TRHDE: variants seen among roughly 807,000 people sequenced by gnomAD.
TRHDE encodes thyrotropin-releasing hormone-degrading ectoenzyme.
In TRHDE, 72 loss-of-function variants were observed where a neutral mutation model predicts 125.7. The observed-to-expected ratio is 0.57, with a 90% CI of 0.47 to 0.70. The LOEUF (loss-of-function observed/expected upper bound fraction) is 0.70, where lower values mean the gene tolerates loss of function less well. Ranked by LOEUF, TRHDE falls within the 30% of genes least tolerant of loss-of-function variation. The pLI is 0.00. For missense variants in TRHDE, 1,110 were observed against 1,327.1 expected, an observed-to-expected ratio of 0.84 and a Z score of 2.54; for synonymous variants, 509 against 509.1, an observed-to-expected ratio of 1.00 and a Z score of 0.00.
chr12:72,621,183 G>C lies in TRHDE; in HGVS notation c.2545G>C (p.Val849Leu), dbSNP rs771961078. 10 of 1,611,094 alleles carry C rather than the reference G, an allele frequency of 6.2e-6. No individual in the cohort carries two copies. Among genetic ancestry groups the C allele is most frequent in the Non-Finnish European group, 8.5e-7 (1 of 1,177,776 alleles). Reference sequence around the variant, plus strand: ...GAAAAATAATTTTAATGGATCTCTTGTTCAAGCATCCTACCAACATGAGTA... The same window carrying C: ...GAAAAATAATTTTAATGGATCTCTTCTTCAAGCATCCTACCAACATGAGTA... ...WPKNNFNGSL[V>L]QASYQHEELR... Residue 849 changes from valine (V) to leucine (L), a missense_variant, in exon 14 of 19, where the codon GTT (valine) becomes CTT (leucine). Transcript: ENST00000261180.
chr12:72,340,547 A>G (rs1290358626), intron 2 of TRHDE, among the ~76,000 whole-genome samples: 1 of 152,130 alleles, frequency 6.6e-6, no homozygotes, highest in East Asian at 1.9e-4. Context: ...GTATAGAGGT[A>G]GTCAGTCTGA....
At position 72,368,619 on chromosome 12, in the gene TRHDE, G is replaced by C. The variant is rs899524283; in HGVS notation, c.1189-9376G>C. Among the ~76,000 whole-genome samples the C allele has an allele frequency of 2.0e-5, 3 of 152,130 alleles. No individual in the cohort carries two copies. In the East Asian group the frequency reaches 5.8e-4, roughly 29 times the overall value. ...CCAGTGGACTACAAGCTTCTTGAAA[G>C]AAGGGAGCTTTTGTCTTTTGCTTAC... On this transcript the variant is annotated intron_variant, in intron 2 of 18. Transcript: ENST00000261180.
intron 2 of TRHDE, among the ~76,000 whole-genome samples, chr12:72,251,522 A>T (rs1878683508): frequency 6.7e-6 from 1 of 149,606 alleles, no homozygotes; most frequent in African/African-American, 2.5e-5. Flanking sequence ...GTTCTACTTC[A>T]TGGTAGATAT....
intron 4 of TRHDE, among the ~76,000 whole-genome samples, chr12:72,470,581 A>T (rs1876593323): frequency 6.6e-6 from 1 of 152,184 alleles, no homozygotes. Context: ...AGTGGAAAAA[A>T]ATCACTGAAA....
At chr12:72,499,429 T>C in intron 5 of TRHDE, 69 bp from the exon 6 acceptor site, 1 of 1,549,640 alleles carries the variant, frequency 6.5e-7, no homozygotes. Flanking sequence ...ACACATTATG[T>C]TCATGTCATC....
intron 15 of TRHDE, 146 bp from the exon 16 acceptor site, chr12:72,652,176 T>C (rs1874532784): frequency 2.5e-6 from 1 of 399,054 alleles, no homozygotes; most frequent in Non-Finnish European, 4.3e-6. Flanking sequence ...ATATTATTAC[T>C]GTGTAGTATT....
intron 2 of TRHDE, among the ~76,000 whole-genome samples, chr12:72,187,961 G>GTAA (rs760670735): frequency 3.0e-4 from 46 of 152,154 alleles, no homozygotes; most frequent in Non-Finnish European, 5.6e-4. Context: ...AACCAAGGAA[G>GTAA]TAATATGAAA....
At chr12:72,106,744 CTCAT>C (rs1254492515) in intron 2 of TRHDE, among the ~76,000 whole-genome samples, 1 of 151,968 alleles carries the variant, frequency 6.6e-6, no homozygotes, top group Non-Finnish European at 1.5e-5. Flanking sequence ...TTTTCATTCA[CTCAT>C]TCATTCATTC....
intron 3 of TRHDE, among the ~76,000 whole-genome samples, chr12:72,411,524 A>C (rs1404683549): frequency 6.6e-6 from 1 of 152,096 alleles, no homozygotes; most frequent in East Asian, 1.9e-4. Flanking sequence ...ATAGAGTAAA[A>C]TATTAAAAAT....
At chr12:72,554,389 A>G (rs1291613537) in intron 7 of TRHDE, among the ~76,000 whole-genome samples, 1 of 152,180 alleles carries the variant, frequency 6.6e-6, no homozygotes, top group African/African-American at 2.4e-5. Flanking sequence ...CAGTTGAAGA[A>G]ATTAAGGTTT....
rs915616959 is a variant in TRHDE at position 72,621,817 on chromosome 12, C to T, written c.2675+66C>T. The T allele has an allele frequency of 9.3e-6, 11 of 1,180,966 alleles. No individual in the cohort carries two copies. In the African/African-American group the frequency reaches 1.5e-4, roughly 16 times the overall value. 73.2% of individuals were successfully genotyped at this position (1,180,966 alleles called of 1,614,324 possible). On this transcript the variant is annotated intron_variant, in intron 15 of 18. Transcript: ENST00000261180. ...AGTGCTTTCAGAGTCTCAGTGGATG[C>T]ATTTCATTTACCAACTGGAGAAAAA...
At chr12:72,527,996 A>C (rs1051898968) in intron 6 of TRHDE, among the ~76,000 whole-genome samples, 3 of 152,198 alleles carry the variant, frequency 2.0e-5, no homozygotes, top group Non-Finnish European at 4.4e-5. Flanking sequence ...AATATCTGAC[A>C]CTAAAACTTT....
chr12:72,525,320 T>C (rs1868312533), intron 6 of TRHDE, among the ~76,000 whole-genome samples: 1 of 152,132 alleles, frequency 6.6e-6, no homozygotes, highest in Non-Finnish European at 1.5e-5. Flanking sequence ...TTTTAAATTT[T>C]AAAATATTCT....
At chr12:72,303,376 C>T (rs939402121) in intron 2 of TRHDE, 3 of 152,026 alleles carry the variant, frequency 2.0e-5, no homozygotes, top group Non-Finnish European at 4.4e-5. Context: ...GTGGGTTGTT[C>T]AGTTTGCAGT....
chr12:72,243,145 G>T (rs1878515247), intron 2 of TRHDE, among the ~76,000 whole-genome samples: 1 of 152,152 alleles, frequency 6.6e-6, no homozygotes, highest in Non-Finnish European at 1.5e-5. Context: ...AAAAGAACCT[G>T]GTCTTTGATG....
At chr12:72,429,023 G>T (rs980629242) in intron 3 of TRHDE, among the ~76,000 whole-genome samples, 3 of 151,994 alleles carry the variant, frequency 2.0e-5, no homozygotes, top group African/African-American at 7.2e-5. Context: ...CATAAAAAAG[G>T]ATGAGCTTGT....
At position 72,378,000 on chromosome 12, in the gene TRHDE, A is replaced by T. The variant is rs1402886679; in HGVS notation, c.1194A>T (p.Arg398=). The T allele has an allele frequency of 1.3e-6, 2 of 1,580,346 alleles. No individual in the cohort carries two copies. Among genetic ancestry groups the T allele is most frequent in the Non-Finnish European group, 1.7e-6 (2 of 1,167,614 alleles). The change falls in exon 3 of 19, where the codon CGA becomes CGT. Residue 398 remains arginine (R), a synonymous_variant. Coordinates refer to ENST00000261180, the MANE Select transcript of TRHDE (RefSeq NM_013381.3). The part of the protein sequence containing the change: ...ETTTKSGVVV[R]LYARPDAIRR... ...TTATATATATTTTTAATTAGGTACGATTATATGCAAGACCTGATGCTATCA... is the reference window on the plus strand; with the variant it reads ...TTATATATATTTTTAATTAGGTACGTTTATATGCAAGACCTGATGCTATCA...
intron 5 of TRHDE, among the ~76,000 whole-genome samples, chr12:72,489,006 A>G (rs1309411386): frequency 6.6e-6 from 1 of 151,816 alleles, no homozygotes; most frequent in Non-Finnish European, 1.5e-5. Context: ...AAGCAGTTCT[A>G]AGGGAGGATT....
chr12:72,548,100 G>A (rs929390132), intron 7 of TRHDE, among the ~76,000 whole-genome samples: 1 of 151,650 alleles, frequency 6.6e-6, no homozygotes, highest in Non-Finnish European at 1.5e-5. Flanking sequence ...ACATTGGGGT[G>A]GAATATATGC....
Sources: gnomAD v4.1 joint callset for allele counts (sites outside exome capture counted in the v4.1 genomes callset) on GRCh38, gnomAD v4.1.1 for gene constraint, MANE v1.5 for transcripts, NCBI Gene and HGNC (gene_info 2026-07-23, HGNC 2026-07-21) for gene names.